Variants in COMMD7 observed in about 807,000 individuals in gnomAD.
COMMD7 encodes COMM domain-containing protein 7.
COMMD7 carries 28 observed loss-of-function variants against 34.8 expected under a neutral mutation model. That is an observed-to-expected ratio of 0.80 (90% confidence interval 0.60 to 1.10). The LOEUF (loss-of-function observed/expected upper bound fraction) is 1.10. Among genes scored for constraint, COMMD7 ranks in the 50% least tolerant of loss-of-function variants. The pLI, the probability that COMMD7 is intolerant of heterozygous loss-of-function variation, is 0.00. For synonymous variants in COMMD7, 80 were observed against 86.4 expected, an observed-to-expected ratio of 0.93 and a Z score of 0.41; for missense variants, 211 against 241.6, an observed-to-expected ratio of 0.87 and a Z score of 0.84.
intron 3 of COMMD7, among the ~76,000 whole-genome samples, chr20:32,727,107 G>A (rs1309658040): frequency 1.0e-5 from 1 of 96,356 alleles, no homozygotes; most frequent in Non-Finnish European, 2.5e-5. Context: ...GCACACCTGT[G>A]GTCCCAGCTA....
chr20:32,726,426 GC>G (rs1353610840), intron 3 of COMMD7, among the ~76,000 whole-genome samples: 3 of 152,006 alleles, frequency 2.0e-5, no homozygotes, highest in Non-Finnish European at 4.4e-5. Flanking sequence ...TCAAGCCCAG[GC>G]ACAGGGACTC....
intron 6 of COMMD7, 51 bp from the exon 7 acceptor site, chr20:32,704,540 CTGAT>C: frequency 6.3e-7 from 1 of 1,578,342 alleles, no homozygotes; most frequent in Non-Finnish European, 8.6e-7. Context: ...TAACAAGTGA[CTGAT>C]TGAGGACTGA....
intron 3 of COMMD7, among the ~76,000 whole-genome samples, chr20:32,717,910 C>A (rs1304194465): frequency 6.6e-6 from 1 of 151,668 alleles, no homozygotes; most frequent in Non-Finnish European, 1.5e-5. Flanking sequence ...CATGGTAAAA[C>A]CCCCTCTTGA....
rs1983850206 is a variant in COMMD7 at position 32,703,140 on chromosome 20, A to C, written c.*242T>G. The C allele has an allele frequency of 2.7e-6, 1 of 375,260 alleles. No individual in the cohort carries two copies. Among genetic ancestry groups the C allele is most frequent in the Admixed American group, 4.3e-5 (1 of 23,400 alleles). 23.2% of individuals were successfully genotyped at this position (375,260 alleles called of 1,614,324 possible). A position where few individuals can be genotyped will look rare whatever the true frequency, so the allele number is the denominator to read the frequency against. ...CAGTGGCCTGTCAGAGTATCTAAAAATGTGTCCTGGAAGACAGGTGGTGGT... is the reference window on the plus strand; with the variant it reads ...CAGTGGCCTGTCAGAGTATCTAAAACTGTGTCCTGGAAGACAGGTGGTGGT... On this transcript the variant is annotated 3_prime_UTR_variant, in exon 9 of 9. Transcript: ENST00000278980.
intron 1 of COMMD7, among the ~76,000 whole-genome samples, chr20:32,728,866 C>A (rs1985677061): frequency 6.6e-6 from 1 of 152,052 alleles, no homozygotes; most frequent in African/African-American, 2.4e-5. Flanking sequence ...CACCTGGCCT[C>A]ATATTTTCTT....
At chr20:32,725,824 G>T (rs1985474151) in intron 3 of COMMD7, among the ~76,000 whole-genome samples, 1 of 151,958 alleles carries the variant, frequency 6.6e-6, no homozygotes, top group Admixed American at 6.6e-5. Context: ...GCTGAGGCGG[G>T]CAGATCGCTT....
At chr20:32,707,560 T>C (rs1048566558) in intron 3 of COMMD7, among the ~76,000 whole-genome samples, 3 of 151,958 alleles carry the variant, frequency 2.0e-5, no homozygotes, top group Admixed American at 6.6e-5. Context: ...CCTCAAGTGA[T>C]CTGCTCACCT....
At chr20:32,732,663 A>G (rs1985906041) in intron 1 of COMMD7, among the ~76,000 whole-genome samples, 2 of 152,186 alleles carry the variant, frequency 1.3e-5, no homozygotes, top group South Asian at 4.1e-4. Context: ...ACCATGGCTC[A>G]AGCCTGTAAT....
chr20:32,713,882 G>A (rs964603924), intron 3 of COMMD7, among the ~76,000 whole-genome samples: 3 of 152,196 alleles, frequency 2.0e-5, no homozygotes, highest in Admixed American at 6.5e-5. Flanking sequence ...TTGGGAGGCC[G>A]AGGCAGGTGG....
Position 32,706,739 on chromosome 20 carries a change from G to C in COMMD7, c.263C>G (p.Thr88Arg). The C allele has an allele frequency of 6.2e-7, 1 of 1,613,868 alleles. No individual in the cohort carries two copies. The highest frequency in any genetic ancestry group is 8.5e-7 in the Non-Finnish European group (1 of 1,179,958). ...VPNGALKKSL[T>R]AKQVQADFIT... The stretch of plus-strand genomic sequence containing the variant: ...GAAATCCGCCTGGACCTGCTTGGCT[G>C]TGAGACTCTTCTTCAAAGCACCTGG... The change falls in exon 4 of 9, where the codon ACA becomes AGA. Residue 88 changes from threonine (T) to arginine (R), a missense_variant. By Grantham distance (71) the Thr-to-Arg change is moderately conservative. Coordinates refer to ENST00000278980, the MANE Select transcript of COMMD7 (RefSeq NM_053041.3).
At chr20:32,736,425 C>CT (rs1429774751) in intron 1 of COMMD7, among the ~76,000 whole-genome samples, 1 of 149,896 alleles carries the variant, frequency 6.7e-6, no homozygotes, top group Non-Finnish European at 1.5e-5. Flanking sequence ...AATCCCAGCA[C>CT]TTTGGGAGGC....
At chr20:32,737,832 T>C (rs189732745) in intron 1 of COMMD7, among the ~76,000 whole-genome samples, 1,924 of 100,010 alleles carry the variant, frequency 0.019, 29 homozygotes, top group Non-Finnish European at 0.027. Context: ...AGTGAGGTCC[T>C]GTCTTAAAAA....
At chr20:32,705,014 C>T in intron 5 of COMMD7, 110 bp from the exon 6 acceptor site, 1 of 778,098 alleles carries the variant, frequency 1.3e-6, no homozygotes, top group Non-Finnish European at 2.2e-6. Flanking sequence ...GGGGAGGGTG[C>T]AGAAGATAGT....
chr20:32,707,661 C>T (rs1984180853), intron 3 of COMMD7, among the ~76,000 whole-genome samples: 2 of 151,164 alleles, frequency 1.3e-5, no homozygotes, highest in South Asian at 4.2e-4. Context: ...TTATTTATCC[C>T]TCCAACCAGT....
At chr20:32,729,881 C>A (rs927734382) in intron 1 of COMMD7, among the ~76,000 whole-genome samples, 1 of 150,908 alleles carries the variant, frequency 6.6e-6, no homozygotes, top group Admixed American at 6.6e-5. Context: ...GGCGTGGTGG[C>A]GTGTACTTGT....
In COMMD7 at chr20:32,728,222, C is replaced by T. The variant is rs987268192; in HGVS notation, c.85-80G>A. 2.0e-5 allele frequency: 27 copies of T among 1,336,598 alleles called. No homozygotes were observed. In the Middle Eastern group the frequency reaches 1.5e-3, roughly 72 times the overall value. The allele number at this position is 1,336,598 out of a possible 1,614,324, so 82.8% of individuals were successfully genotyped here. A position where few individuals can be genotyped will look rare whatever the true frequency, so the allele number is the denominator to read the frequency against. ...GCCCCACCCCAGGCAACTGCATAGC[C>T]TTGAGAGGGAAGAACAGTAACAGCC... On this transcript the variant is annotated intron_variant, in intron 1 of 8. Transcript: ENST00000278980.
At position 32,728,012 on chromosome 20, in the gene COMMD7, G is replaced by T; in HGVS notation, c.139-17C>A. The T allele has an allele frequency of 1.2e-6, 2 of 1,613,256 alleles. No individual in the cohort carries two copies. The highest frequency in any genetic ancestry group is 1.7e-6 in the Non-Finnish European group (2 of 1,179,242). On this transcript the variant is annotated splice_polypyrimidine_tract_variant and intron_variant, in intron 2 of 8. Transcript: ENST00000278980. The stretch of plus-strand genomic sequence containing the variant: ...TCTTTCCACCTGCAGAGAGAGAACA[G>T]TGAAAACCCGGGCCTTCACTTTCTA...
chr20:32,727,429 C>T (rs889114843), intron 3 of COMMD7, among the ~76,000 whole-genome samples: 1 of 149,106 alleles, frequency 6.7e-6, no homozygotes, highest in Admixed American at 6.8e-5. Context: ...CCCAGCTACT[C>T]GGGAAGCTGA....
chr20:32,736,979 G>A (rs1335262093), intron 1 of COMMD7, among the ~76,000 whole-genome samples: 1 of 151,894 alleles, frequency 6.6e-6, no homozygotes, highest in East Asian at 1.9e-4. Flanking sequence ...TCAGGAGTTC[G>A]AGAGTAGCCT....
Sources: allele counts gnomAD v4.1 joint callset (sites outside exome capture counted in the v4.1 genomes callset), GRCh38; gene constraint gnomAD v4.1.1; transcripts MANE v1.5; gene names NCBI Gene and HGNC (gene_info 2026-07-23, HGNC 2026-07-21).